RAD51B: variants seen among roughly 807,000 people sequenced by gnomAD.
The protein encoded by RAD51B is DNA repair protein RAD51 homolog 2.
In RAD51B, 38 loss-of-function variants were observed where a neutral mutation model predicts 42.2. The ratio of observed to expected loss-of-function variants is 0.90; its 90% CI spans 0.70 to 1.18. The LOEUF (loss-of-function observed/expected upper bound fraction) is 1.18, where lower values mean the gene tolerates loss of function less well. Ranked by LOEUF, RAD51B falls within the 50% of genes most tolerant of loss-of-function variation. The pLI, the probability that RAD51B is intolerant of heterozygous loss-of-function variation, is 0.00. For missense variants in RAD51B, 373 were observed against 400.7 expected, an observed-to-expected ratio of 0.93 and a Z score of 0.59; for synonymous variants, 154 against 145.2, an observed-to-expected ratio of 1.06 and a Z score of -0.43.
intron 7 of RAD51B, among the ~76,000 whole-genome samples, chr14:68,150,667 CTTAT>C (rs2078358863): frequency 2.0e-5 from 3 of 152,000 alleles, no homozygotes; most frequent in Admixed American, 2.0e-4. Context: ...AACCTTATAT[CTTAT>C]TTGTTTTTGG....
chr14:68,240,181 C>G (rs2080352473), intron 7 of RAD51B, among the ~76,000 whole-genome samples: 1 of 152,038 alleles, frequency 6.6e-6, no homozygotes, highest in Non-Finnish European at 1.5e-5. Flanking sequence ...TTTTTCATCT[C>G]AGAACAGACC....
intron 8 of RAD51B, among the ~76,000 whole-genome samples, chr14:68,333,622 C>G (rs2139810448): frequency 6.6e-6 from 1 of 152,092 alleles, no homozygotes; most frequent in East Asian, 1.9e-4. Context: ...TTTAAAAAGG[C>G]CAGAAGGATG....
chr14:68,136,316 C>T (rs2078008115), intron 7 of RAD51B, among the ~76,000 whole-genome samples: 1 of 151,484 alleles, frequency 6.6e-6, no homozygotes, highest in South Asian at 2.1e-4. Context: ...TGGCTCACAC[C>T]TGTAATCCCA....
chr14:68,567,454 G>A (rs937379460), intron 10 of RAD51B, among the ~76,000 whole-genome samples: 2 of 152,160 alleles, frequency 1.3e-5, no homozygotes, highest in African/African-American at 4.8e-5. Context: ...TGGTACATTT[G>A]TTACAACTGA....
intron 8 of RAD51B, among the ~76,000 whole-genome samples, chr14:68,342,525 G>A (rs980348704): frequency 2.0e-5 from 3 of 152,182 alleles, no homozygotes; most frequent in African/African-American, 7.2e-5. Flanking sequence ...TTTTGGGGAA[G>A]CTCACTGTTG....
At chr14:68,160,236 G>T (rs1368416737) in intron 7 of RAD51B, among the ~76,000 whole-genome samples, 1 of 152,178 alleles carries the variant, frequency 6.6e-6, no homozygotes, top group African/African-American at 2.4e-5. Context: ...AGCTAAGAAA[G>T]ATCTTAATAA....
At chr14:68,529,990 G>A (rs1887173938) in intron 10 of RAD51B, among the ~76,000 whole-genome samples, 2 of 152,164 alleles carry the variant, frequency 1.3e-5, no homozygotes, top group South Asian at 4.1e-4. Context: ...ACATGAAATA[G>A]ATGAAGATAA....
At position 68,395,355 on chromosome 14, in the gene RAD51B, G is replaced by A. The variant is rs143772203; in HGVS notation, c.854-16069G>A. ...GAAGTGAGGGCTTGCTACTTTTAAA[G>A]TTTGTGATTGTCTTGTGGAGGGGGT... On this transcript the variant is annotated intron_variant, in intron 8 of 10. Transcript: ENST00000471583. 4.6e-3 allele frequency among the ~76,000 whole-genome samples: 699 copies of A among 152,216 alleles called. 3 individuals are homozygous for A. Among genetic ancestry groups the A allele is most frequent in the African/African-American group, 0.016 (654 of 41,504 alleles).
At chr14:68,001,593 G>A (rs1044302950) in intron 7 of RAD51B, among the ~76,000 whole-genome samples, 4 of 152,128 alleles carry the variant, frequency 2.6e-5, no homozygotes, top group African/African-American at 9.7e-5. Flanking sequence ...CAGGTTTGTT[G>A]CATAGGCAAA....
downstream of RAD51B, among the ~76,000 whole-genome samples, chr14:68,481,282 G>GA (rs35045438): frequency 1.1e-4 from 16 of 149,402 alleles, no homozygotes; most frequent in South Asian, 4.2e-4. Flanking sequence ...TGTCTGCCAC[G>GA]AAAAAAAAAA....
chr14:68,390,325 C>T (rs117399648), intron 8 of RAD51B, among the ~76,000 whole-genome samples: 3,290 of 152,310 alleles, frequency 0.022, 55 homozygotes, highest in East Asian at 0.048. Flanking sequence ...GATGTTCATA[C>T]TGTGAGCTTA....
chr14:68,235,905 A>G (rs916084647), intron 7 of RAD51B, among the ~76,000 whole-genome samples: 14 of 152,162 alleles, frequency 9.2e-5, no homozygotes, highest in Admixed American at 9.2e-4. Flanking sequence ...TGTCCTTTGC[A>G]GCAACATGGA....
chr14:68,050,258 T>C (rs1184090142), intron 7 of RAD51B, among the ~76,000 whole-genome samples: 2 of 149,224 alleles, frequency 1.3e-5, no homozygotes, highest in African/African-American at 5.0e-5. Context: ...TCTTCTGTTT[T>C]CTCTTTTCTT....
chr14:67,861,576 T>A (rs950834489), intron 4 of RAD51B, among the ~76,000 whole-genome samples: 46 of 138,712 alleles, frequency 3.3e-4, no homozygotes, highest in African/African-American at 9.9e-4. Flanking sequence ...AACCTGTCTT[T>A]AAAAAAAAAA....
At chr14:68,621,478 T>C (rs1891947168) in intron 10 of RAD51B, among the ~76,000 whole-genome samples, 1 of 152,256 alleles carries the variant, frequency 6.6e-6, no homozygotes, top group Non-Finnish European at 1.5e-5. Flanking sequence ...TGTGGATATT[T>C]TGTAGCCATT....
At chr14:68,325,601 C>A (rs1009580689) in intron 8 of RAD51B, among the ~76,000 whole-genome samples, 2 of 149,934 alleles carry the variant, frequency 1.3e-5, no homozygotes, top group African/African-American at 4.9e-5. Flanking sequence ...AAGAGTTGTT[C>A]CATTTCCCCT....
intron 10 of RAD51B, among the ~76,000 whole-genome samples, chr14:68,502,784 TC>T (rs1885016126): frequency 6.6e-6 from 1 of 152,170 alleles, no homozygotes; most frequent in Non-Finnish European, 1.5e-5. Flanking sequence ...CTCCCTTGCA[TC>T]CGCTGTCCTC....
intron 7 of RAD51B, among the ~76,000 whole-genome samples, chr14:68,194,041 T>C (rs531884988): frequency 1.3e-5 from 2 of 152,328 alleles, no homozygotes; most frequent in African/African-American, 2.4e-5. Context: ...ATGACAGTTA[T>C]TGGATTTGTT....
chr14:68,024,104 G>A (rs569590576), intron 7 of RAD51B, among the ~76,000 whole-genome samples: 79 of 152,198 alleles, frequency 5.2e-4, no homozygotes, highest in Non-Finnish European at 1.1e-3. Flanking sequence ...TGAATAGGGA[G>A]TTCTTTTCCT....
Sources: gnomAD v4.1 joint callset for allele counts (sites outside exome capture counted in the v4.1 genomes callset) on GRCh38, gnomAD v4.1.1 for gene constraint, MANE v1.5 for transcripts, NCBI Gene and HGNC (gene_info 2026-07-23, HGNC 2026-07-21) for gene names.